Variants in GNAQ observed in about 807,000 individuals in gnomAD.
GNAQ encodes the protein G protein subunit alpha q, also known as guanine nucleotide-binding protein G(q) subunit alpha.
GNAQ carries 8 observed loss-of-function variants against 43.9 expected under a neutral mutation model. The observed-to-expected ratio is 0.18, with a 90% CI of 0.11 to 0.33. The LOEUF (loss-of-function observed/expected upper bound fraction) is 0.33, where lower values mean the gene tolerates loss of function less well. Among genes scored for constraint, GNAQ ranks in the 10% least tolerant of loss-of-function variants. The pLI is 1.00. For missense variants in GNAQ, 158 were observed against 450.8 expected, an observed-to-expected ratio of 0.35 and a Z score of 5.88; for synonymous variants, 155 against 170.7, an observed-to-expected ratio of 0.91 and a Z score of 0.71.
chr9:77,862,951 C>G (rs1023301356), intron 2 of GNAQ, among the ~76,000 whole-genome samples: 1 of 151,880 alleles, frequency 6.6e-6, no homozygotes, highest in Non-Finnish European at 1.5e-5. Context: ...GGCTGAGGCA[C>G]GAGGATCACC....
chr9:77,865,202 C>T (rs1462511336), intron 2 of GNAQ, among the ~76,000 whole-genome samples: 1 of 152,146 alleles, frequency 6.6e-6, no homozygotes, highest in Non-Finnish European at 1.5e-5. Flanking sequence ...CCACTGAGGC[C>T]AATCATCAGA....
At chr9:77,835,795 G>A (rs569818514) in intron 2 of GNAQ, among the ~76,000 whole-genome samples, 1 of 152,276 alleles carries the variant, frequency 6.6e-6, no homozygotes, top group African/African-American at 2.4e-5. Flanking sequence ...GGTCCACAGT[G>A]CCTATCTCAT....
At chr9:77,925,426 CATG>C (rs1192672586) in intron 1 of GNAQ, among the ~76,000 whole-genome samples, 1 of 152,124 alleles carries the variant, frequency 6.6e-6, no homozygotes, top group Non-Finnish European at 1.5e-5. Context: ...ATCCTAAATC[CATG>C]ATAATTCACT....
intron 2 of GNAQ, among the ~76,000 whole-genome samples, chr9:77,899,893 C>A (rs939653077): frequency 6.6e-5 from 10 of 152,222 alleles, no homozygotes; most frequent in Non-Finnish European, 1.2e-4. Context: ...ATGATCCCTG[C>A]CGCCTCAAAA....
At chr9:77,966,624 A>G (rs1420173391) in intron 1 of GNAQ, among the ~76,000 whole-genome samples, 2 of 152,212 alleles carry the variant, frequency 1.3e-5, no homozygotes, top group Non-Finnish European at 2.9e-5. Context: ...GAAAGTAAAT[A>G]GGGCATTAAT....
chr9:77,759,512 T>C (rs1422982510), intron 5 of GNAQ, among the ~76,000 whole-genome samples: 12 of 152,170 alleles, frequency 7.9e-5, no homozygotes, highest in Admixed American at 7.9e-4. Flanking sequence ...TAAAAACCAA[T>C]GTTCAGTTTC....
intron 2 of GNAQ, among the ~76,000 whole-genome samples, chr9:77,838,708 G>A (rs1042719032): frequency 7.2e-5 from 11 of 152,138 alleles, no homozygotes; most frequent in Admixed American, 2.0e-4. Context: ...GTGAGCCACC[G>A]TGCCCGGCCA....
chr9:77,939,527 GAATAA>G (rs1417940762), intron 1 of GNAQ, among the ~76,000 whole-genome samples: 28 of 152,100 alleles, frequency 1.8e-4, no homozygotes, highest in African/African-American at 6.8e-4. Flanking sequence ...TATAAAGCAT[GAATAA>G]TTCTAAAATA....
At chr9:77,790,099 A>C (rs1409909848) in intron 5 of GNAQ, among the ~76,000 whole-genome samples, 1 of 152,226 alleles carries the variant, frequency 6.6e-6, no homozygotes, top group Non-Finnish European at 1.5e-5. Context: ...TAGCCTTATG[A>C]ATCAGGTCAT....
At chr9:77,783,123 T>C (rs2118408941) in intron 5 of GNAQ, among the ~76,000 whole-genome samples, 1 of 152,300 alleles carries the variant, frequency 6.6e-6, no homozygotes, top group African/African-American at 2.4e-5. Flanking sequence ...AAAGGGTAAA[T>C]CCAAATGTAA....
intron 2 of GNAQ, among the ~76,000 whole-genome samples, chr9:77,915,332 A>G (rs1587406833): frequency 6.8e-6 from 1 of 146,504 alleles, no homozygotes; most frequent in Non-Finnish European, 1.5e-5. Flanking sequence ...TCTTTGTTTT[A>G]TTCTTTATTT....
intron 6 of GNAQ, among the ~76,000 whole-genome samples, chr9:77,725,290 A>G (rs1279282395): frequency 6.6e-6 from 1 of 152,174 alleles, no homozygotes; most frequent in East Asian, 1.9e-4. Context: ...TGGAAAGGGT[A>G]ATTTCCTTTC....
chr9:77,736,343 C>T (rs1258599579), intron 5 of GNAQ, among the ~76,000 whole-genome samples: 1 of 152,178 alleles, frequency 6.6e-6, no homozygotes, highest in Non-Finnish European at 1.5e-5. Flanking sequence ...TAATTAAAGA[C>T]AGGTTCCTAG....
At chr9:77,745,678 C>T (rs900978418) in intron 5 of GNAQ, among the ~76,000 whole-genome samples, 1 of 150,636 alleles carries the variant, frequency 6.6e-6, no homozygotes, top group Admixed American at 6.6e-5. Context: ...TAGAAAATTT[C>T]TCAGGAAGTA....
chr9:77,882,673 T>C (rs1286771880), intron 2 of GNAQ, among the ~76,000 whole-genome samples: 2 of 152,092 alleles, frequency 1.3e-5, no homozygotes, highest in Non-Finnish European at 2.9e-5. Context: ...TGAGATCCAG[T>C]TTTTGGTGAG....
chr9:77,970,028 C>T (rs550392360), intron 1 of GNAQ, among the ~76,000 whole-genome samples: 2 of 151,958 alleles, frequency 1.3e-5, no homozygotes, highest in Non-Finnish European at 2.9e-5. Context: ...ATACCAGCCT[C>T]GTCAACATGG....
At chr9:77,897,686 T>C (rs948546099) in intron 2 of GNAQ, among the ~76,000 whole-genome samples, 31 of 152,140 alleles carry the variant, frequency 2.0e-4, no homozygotes, top group Admixed American at 2.0e-3. Flanking sequence ...TCCTGGTTTA[T>C]AGTCTACAAA....
At chr9:77,863,220 G>GGAAGGAAGAAAGGA (rs1564133751) in intron 2 of GNAQ, among the ~76,000 whole-genome samples, 7 of 34,334 alleles carry the variant, frequency 2.0e-4, no homozygotes, top group African/African-American at 4.0e-4. Flanking sequence ...GGAAGGAAGG[G>GGAAGGAAGAAAGGA]AGGAAGGAAG....
chr9:77,803,987 T>C lies in GNAQ; in HGVS notation c.477-6339A>G, dbSNP rs148794380. ...TCCACTACTTTAAATGATTAAAATA[T>C]ATGACAGAAGCTTCAACTTCTCTAA... On this transcript the variant is annotated intron_variant, in intron 3 of 6. Coordinates refer to ENST00000286548, the MANE Select transcript of GNAQ (RefSeq NM_002072.5). 1.8e-3 allele frequency among the ~76,000 whole-genome samples: 279 copies of C among 152,340 alleles called. 2 individuals carry two copies. Among genetic ancestry groups the C allele is most frequent in the African/African-American group, 5.2e-3 (218 of 41,574 alleles).
Sources: allele counts gnomAD v4.1 joint callset (sites outside exome capture counted in the v4.1 genomes callset), GRCh38; gene constraint gnomAD v4.1.1; transcripts MANE v1.5; gene names NCBI Gene and HGNC (gene_info 2026-07-23, HGNC 2026-07-21).